Variants in KLF7 observed in about 807,000 individuals in gnomAD.
The protein encoded by KLF7 is Krueppel-like factor 7.
In KLF7, 2 loss-of-function variants were observed where a neutral mutation model predicts 27.3. The observed-to-expected ratio is 0.07, with a 90% CI of 0.03 to 0.23. The LOEUF is 0.23. Among genes scored for constraint, KLF7 ranks in the 10% least tolerant of loss-of-function variants. The pLI is 1.00. For missense variants in KLF7, 221 were observed against 394.1 expected, an observed-to-expected ratio of 0.56 and a Z score of 3.72; for synonymous variants, 165 against 162.4, an observed-to-expected ratio of 1.02 and a Z score of -0.12.
At chr2:207,145,825 G>T (rs946523617) in intron 1 of KLF7, among the ~76,000 whole-genome samples, 4 of 152,126 alleles carry the variant, frequency 2.6e-5, no homozygotes, top group Admixed American at 2.6e-4. Context: ...CACAGTGTGG[G>T]GCACACAGAA....
At chr2:207,140,081 GT>G (rs1165249888) in intron 1 of KLF7, among the ~76,000 whole-genome samples, 1 of 152,100 alleles carries the variant, frequency 6.6e-6, no homozygotes. Flanking sequence ...TAGAGATGGG[GT>G]TTCACCATGT....
At chr2:207,153,715 G>T (rs1049884169) in intron 1 of KLF7, among the ~76,000 whole-genome samples, 5 of 151,962 alleles carry the variant, frequency 3.3e-5, no homozygotes, top group African/African-American at 4.8e-5. Context: ...GGAAAATCAT[G>T]AAGTAGAGAG....
chr2:207,082,523 T>C (rs1249947587), intron 3 of KLF7, among the ~76,000 whole-genome samples: 1 of 152,340 alleles, frequency 6.6e-6, no homozygotes, highest in Non-Finnish European at 1.5e-5. Context: ...CTGCAGTCTA[T>C]AACATACAGA....
At chr2:207,155,950 T>C (rs145985430) in intron 1 of KLF7, among the ~76,000 whole-genome samples, 22 of 152,342 alleles carry the variant, frequency 1.4e-4, no homozygotes, top group Non-Finnish European at 3.2e-4. Context: ...CTCCATTGAA[T>C]TCCTGCTAAC....
chr2:207,163,075 T>A (rs1242896846), intron 1 of KLF7, among the ~76,000 whole-genome samples: 2 of 152,040 alleles, frequency 1.3e-5, no homozygotes, highest in Non-Finnish European at 2.9e-5. Context: ...AGCAAGACGG[T>A]TTTGGGAGGG....
chr2:207,102,158 A>ACACC (rs1199358501), intron 2 of KLF7, among the ~76,000 whole-genome samples: 2 of 148,822 alleles, frequency 1.3e-5, no homozygotes, highest in African/African-American at 5.0e-5. Flanking sequence ...ACACACACAC[A>ACACC]CCCTGCCCTC....
intron 2 of KLF7, chr2:207,109,916 G>A (rs543550483): frequency 1.3e-5 from 2 of 154,920 alleles, no homozygotes; most frequent in Admixed American, 6.5e-5. Context: ...CAAGGGATAA[G>A]CTAATACATG....
chr2:207,090,664 C>G (rs1433917335), intron 2 of KLF7, among the ~76,000 whole-genome samples: 1 of 152,130 alleles, frequency 6.6e-6, no homozygotes, highest in Non-Finnish European at 1.5e-5. Context: ...TGCTGGGTAT[C>G]TGAAATATTA....
At chr2:207,138,926 T>TCATTCAATAA (rs1164343692) in intron 1 of KLF7, among the ~76,000 whole-genome samples, 1 of 152,240 alleles carries the variant, frequency 6.6e-6, no homozygotes, top group Non-Finnish European at 1.5e-5. Flanking sequence ...TTTGGCTTGA[T>TCATTCAATAA]CTTCAATAAC....
Position 207,165,838 on chromosome 2 carries a change from C to T in KLF7, c.-270G>A. The T allele has an allele frequency of 7.6e-7, 1 of 1,309,792 alleles. No homozygotes were observed. Among genetic ancestry groups the T allele is most frequent in the Non-Finnish European group, 9.8e-7 (1 of 1,024,718 alleles). 81.1% of individuals were successfully genotyped at this position (1,309,792 alleles called of 1,614,324 possible). A position where few individuals can be genotyped will look rare whatever the true frequency, so the allele number is the denominator to read the frequency against. On this transcript the variant is annotated 5_prime_UTR_variant, in exon 1 of 4. Coordinates refer to ENST00000309446, the MANE Select transcript of KLF7 (RefSeq NM_003709.4). ...CGACTGCCAGGAAAAGGGGACTTCT[C>T]CACGGGAGTAACAATTCCCTTCCAG...
At chr2:207,138,015 C>T (rs552408885) in intron 1 of KLF7, among the ~76,000 whole-genome samples, 1 of 152,312 alleles carries the variant, frequency 6.6e-6, no homozygotes, top group Non-Finnish European at 1.5e-5. Flanking sequence ...AGTTTGGATT[C>T]CAGTAGCTCT....
intron 1 of KLF7, chr2:207,134,193 T>C: frequency 7.6e-7 from 1 of 1,318,920 alleles, no homozygotes; most frequent in Non-Finnish European, 1.0e-6. Context: ...ACTCATTTCA[T>C]TGGCTCCTTC....
rs147226503 is a variant in KLF7, at chr2:207,091,359, G to A, written c.734-2778C>T. ...GAGCTATTTCAGTGTCCTCGTGGCT[G>A]TGTCCACTATTGAGAAACTGCAGAT... is the stretch of plus-strand genomic sequence containing the variant. On this transcript the variant is annotated intron_variant, in intron 2 of 3. Transcript: ENST00000309446. Among the ~76,000 whole-genome samples, 15 of 152,324 alleles carry A rather than the reference G, an allele frequency of 9.8e-5. No homozygotes were observed. In the East Asian group the frequency reaches 2.7e-3, roughly 27 times the overall value.
chr2:207,152,587 C>T (rs2078276143), intron 1 of KLF7, among the ~76,000 whole-genome samples: 1 of 152,146 alleles, frequency 6.6e-6, no homozygotes, highest in South Asian at 2.1e-4. Context: ...TGGTCTTTTC[C>T]ATCCCAGATT....
At chr2:207,139,251 T>C (rs2077872453) in intron 1 of KLF7, among the ~76,000 whole-genome samples, 1 of 152,240 alleles carries the variant, frequency 6.6e-6, no homozygotes. Context: ...ATTTCTTTTT[T>C]CTTTTACAGA....
At chr2:207,166,351 G>C (rs1160267572), upstream of KLF7, 1 of 226,122 alleles carries the variant, frequency 4.4e-6, no homozygotes. Context: ...TTTTTAGAGG[G>C]CTATATAAGG....
intron 1 of KLF7, among the ~76,000 whole-genome samples, chr2:207,159,790 A>G (rs774677224): frequency 3.9e-5 from 6 of 152,214 alleles, no homozygotes; most frequent in Non-Finnish European, 8.8e-5. Context: ...TAACATTTAT[A>G]TATCAAGCAT....
intron 2 of KLF7, among the ~76,000 whole-genome samples, chr2:207,116,388 A>G (rs1355064074): frequency 6.6e-6 from 1 of 152,214 alleles, no homozygotes; most frequent in Non-Finnish European, 1.5e-5. Context: ...AGGACCATTC[A>G]AAACCAATTT....
intron 2 of KLF7, among the ~76,000 whole-genome samples, chr2:207,100,224 T>C (rs142036137): frequency 6.6e-6 from 1 of 152,348 alleles, no homozygotes; most frequent in East Asian, 1.9e-4. Flanking sequence ...TCATGTTGAA[T>C]AGATATTAAT....
Sources: gnomAD v4.1 joint callset for allele counts (sites outside exome capture counted in the v4.1 genomes callset) on GRCh38, gnomAD v4.1.1 for gene constraint, MANE v1.5 for transcripts, NCBI Gene and HGNC (gene_info 2026-07-23, HGNC 2026-07-21) for gene names.